The following CAMK1D variants were observed in gnomAD, a reference collection of about 807,000 sequenced individuals.
The protein encoded by CAMK1D is calcium/calmodulin-dependent protein kinase type 1D.
In CAMK1D, 9 loss-of-function variants were observed where a neutral mutation model predicts 47.7. The ratio of observed to expected loss-of-function variants is 0.19; its 90% CI spans 0.11 to 0.33. The LOEUF is 0.33. CAMK1D is among the 10% of genes least tolerant of loss of function. The pLI is 1.00. For missense variants in CAMK1D, 291 were observed against 488.7 expected, an observed-to-expected ratio of 0.60 and a Z score of 3.81; for synonymous variants, 184 against 184.9, an observed-to-expected ratio of 0.99 and a Z score of 0.04.
intron 6 of CAMK1D, among the ~76,000 whole-genome samples, chr10:12,800,460 G>A (rs770333292): frequency 7.2e-5 from 11 of 152,160 alleles, no homozygotes; most frequent in African/African-American, 1.4e-4. Context: ...AATACTGACC[G>A]AGTGCCAAGG....
At chr10:12,735,413 G>A (rs1213289772) in intron 3 of CAMK1D, among the ~76,000 whole-genome samples, 2 of 152,218 alleles carry the variant, frequency 1.3e-5, no homozygotes, top group Non-Finnish European at 2.9e-5. Flanking sequence ...GGGAGGCGGA[G>A]CCTGCAGTGA....
chr10:12,815,573 T>C (rs1364595913), intron 7 of CAMK1D, among the ~76,000 whole-genome samples: 3 of 152,236 alleles, frequency 2.0e-5, no homozygotes, highest in East Asian at 1.9e-4. Flanking sequence ...CTTTGGGCAT[T>C]GAGGGGCCGC....
intron 1 of CAMK1D, among the ~76,000 whole-genome samples, chr10:12,552,358 C>G (rs1375608066): frequency 1.3e-5 from 2 of 152,178 alleles, no homozygotes; most frequent in Non-Finnish European, 2.9e-5. Context: ...GCACTTGCAC[C>G]CCATGACCAA....
rs148899977 is a variant in CAMK1D at position 12,727,993 on chromosome 10, T to C, written c.300-32955T>C. On this transcript the variant is annotated intron_variant, in intron 3 of 10. Coordinates refer to ENST00000619168, the MANE Select transcript of CAMK1D (RefSeq NM_153498.4). ...GCTGGCCGGGCTGGTCTCGGACTCC[T>C]GACCTCCAATGATCCGCCCGCCTCG... is the stretch of plus-strand genomic sequence containing the variant. Among the ~76,000 whole-genome samples, 836 of 152,294 alleles carry C rather than the reference T, an allele frequency of 5.5e-3. 9 individuals are homozygous for C. The highest frequency in any genetic ancestry group is 0.019 in the African/African-American group (800 of 41,566).
At chr10:12,721,907 A>C (rs1588847397) in intron 3 of CAMK1D, among the ~76,000 whole-genome samples, 1 of 152,178 alleles carries the variant, frequency 6.6e-6, no homozygotes, top group East Asian at 1.9e-4. Flanking sequence ...AGTTTTTAAC[A>C]GTAGGAGTTA....
At chr10:12,442,002 A>G (rs1832796869) in intron 1 of CAMK1D, among the ~76,000 whole-genome samples, 1 of 152,158 alleles carries the variant, frequency 6.6e-6, no homozygotes, top group South Asian at 2.1e-4. Flanking sequence ...CTTGCACAAT[A>G]ATGTGGGGAA....
intron 1 of CAMK1D, among the ~76,000 whole-genome samples, chr10:12,443,991 G>GC (rs886599405): frequency 6.6e-6 from 1 of 152,178 alleles, no homozygotes; most frequent in South Asian, 2.1e-4. Context: ...GATTATTCAT[G>GC]CCCCCCCTTT....
At chr10:12,422,359 A>G (rs1000127217) in intron 1 of CAMK1D, among the ~76,000 whole-genome samples, 3 of 152,130 alleles carry the variant, frequency 2.0e-5, no homozygotes, top group Non-Finnish European at 4.4e-5. Flanking sequence ...GTTATTCTTG[A>G]TTTTCAGCGT....
At chr10:12,736,153 G>T (rs1344705834) in intron 3 of CAMK1D, among the ~76,000 whole-genome samples, 2 of 152,232 alleles carry the variant, frequency 1.3e-5, no homozygotes, top group Non-Finnish European at 2.9e-5. Flanking sequence ...TCTGATGGTT[G>T]CTCCAGGCAG....
At chr10:12,623,147 T>TCCTC (rs1212303875) in intron 2 of CAMK1D, among the ~76,000 whole-genome samples, 1 of 7,590 alleles carries the variant, frequency 1.3e-4, no homozygotes, top group African/African-American at 6.4e-4. Context: ...CTTCCTCCCT[T>TCCTC]CCTTCCTCCC....
intron 5 of CAMK1D, among the ~76,000 whole-genome samples, chr10:12,774,164 A>G: frequency 6.6e-6 from 1 of 152,192 alleles, no homozygotes; most frequent in East Asian, 1.9e-4. Context: ...GACATAGGCT[A>G]TAAAGCAAAT....
At chr10:12,779,241 G>A (rs934704685) in intron 5 of CAMK1D, among the ~76,000 whole-genome samples, 3 of 152,052 alleles carry the variant, frequency 2.0e-5, no homozygotes, top group Non-Finnish European at 2.9e-5. Flanking sequence ...CCTTGGTCTC[G>A]GCAATAAGAG....
intron 1 of CAMK1D, among the ~76,000 whole-genome samples, chr10:12,487,717 C>T (rs1418308641): frequency 2.0e-5 from 3 of 152,218 alleles, no homozygotes; most frequent in African/African-American, 7.2e-5. Context: ...AAGATGCAGT[C>T]TGTTCTGAGG....
chr10:12,574,986 A>G (rs748268850), intron 2 of CAMK1D, among the ~76,000 whole-genome samples: 5 of 152,106 alleles, frequency 3.3e-5, no homozygotes, highest in African/African-American at 9.7e-5. Flanking sequence ...CCATGATCCA[A>G]TCACCTCCCA....
intron 6 of CAMK1D, among the ~76,000 whole-genome samples, chr10:12,797,196 CT>C (rs66641899): frequency 0.011 from 1,553 of 137,454 alleles, 13 homozygotes; most frequent in East Asian, 0.031. Context: ...TGACCAGTTC[CT>C]TTTTTTTTTT....
At chr10:12,655,275 T>G (rs1006674456) in intron 2 of CAMK1D, among the ~76,000 whole-genome samples, 9 of 150,940 alleles carry the variant, frequency 6.0e-5, no homozygotes, top group Non-Finnish European at 1.0e-4. Context: ...GAGGGGGAGG[T>G]GCCACACAAG....
chr10:12,461,687 CAAAAAAAAAA>C (rs57291391), intron 1 of CAMK1D, among the ~76,000 whole-genome samples: 2 of 90,390 alleles, frequency 2.2e-5, no homozygotes, highest in African/African-American at 4.1e-5. Flanking sequence ...GGCTTCATCT[CAAAAAAAAAA>C]AAAAAAAAAA....
At chr10:12,578,773 A>T (rs1057375163) in intron 2 of CAMK1D, 1 of 154,184 alleles carries the variant, frequency 6.5e-6, no homozygotes, top group East Asian at 1.9e-4. Context: ...GTTGACCTCC[A>T]CAGGGCCACC....
chr10:12,384,038 G>A (rs549380881), intron 1 of CAMK1D, among the ~76,000 whole-genome samples: 1 of 152,200 alleles, frequency 6.6e-6, no homozygotes, highest in African/African-American at 2.4e-5. Context: ...ATACAAAAAT[G>A]AATTATATGT....
Sources: gnomAD v4.1 joint callset for allele counts (sites outside exome capture counted in the v4.1 genomes callset) on GRCh38, gnomAD v4.1.1 for gene constraint, MANE v1.5 for transcripts, NCBI Gene and HGNC (gene_info 2026-07-23, HGNC 2026-07-21) for gene names.